Variants in TSC22D1 observed in about 807,000 individuals in gnomAD.
The protein encoded by TSC22D1 is TSC22 domain family member 1.
TSC22D1 carries 9 observed loss-of-function variants against 74.2 expected under a neutral mutation model. The ratio of observed to expected loss-of-function variants is 0.12; its 90% CI spans 0.07 to 0.21. The LOEUF (loss-of-function observed/expected upper bound fraction) is 0.21. Ranked by LOEUF, TSC22D1 falls within the 10% of genes least tolerant of loss-of-function variation. The probability of loss-of-function intolerance (pLI) is 1.00; values close to 1 mark genes in which losing one functional copy is unlikely to be tolerated. For missense variants in TSC22D1, 1,427 were observed against 1,304.7 expected (o/e 1.09, Z -1.44); for synonymous variants, 586 against 492.5 (o/e 1.19, Z -2.51).
intron 1 of TSC22D1, chr13:44,436,932 G>GC: frequency 9.6e-7 from 1 of 1,041,944 alleles, no homozygotes; most frequent in Non-Finnish European, 1.2e-6. Flanking sequence ...CACTGGGACC[G>GC]CCCCCTACTC....
At chr13:44,457,129 T>G (rs902376853) in intron 1 of TSC22D1, among the ~76,000 whole-genome samples, 6 of 152,280 alleles carry the variant, frequency 3.9e-5, no homozygotes, top group African/African-American at 1.4e-4. Flanking sequence ...TTTGCTTATG[T>G]GTGATTTTGT....
chr13:44,456,826 A>G (rs1458918845), intron 1 of TSC22D1, among the ~76,000 whole-genome samples: 1 of 152,246 alleles, frequency 6.6e-6, no homozygotes, highest in Non-Finnish European at 1.5e-5. Flanking sequence ...CTCAGAAACT[A>G]GAACAAAATA....
chr13:44,441,600 T>G (rs1875211408), intron 1 of TSC22D1, among the ~76,000 whole-genome samples: 1 of 151,494 alleles, frequency 6.6e-6, no homozygotes, highest in Non-Finnish European at 1.5e-5. Context: ...ATAGTGTAAG[T>G]ATAAATATAT....
intron 1 of TSC22D1, among the ~76,000 whole-genome samples, chr13:44,529,842 C>T (rs1387746387): frequency 6.6e-6 from 1 of 151,968 alleles, no homozygotes; most frequent in Non-Finnish European, 1.5e-5. Context: ...AAATTAAACA[C>T]TTTGGTATAA....
chr13:44,490,311 G>A (rs73188774), intron 1 of TSC22D1, among the ~76,000 whole-genome samples: 4 of 150,668 alleles, frequency 2.7e-5, no homozygotes, highest in South Asian at 2.1e-4. Context: ...AGGAGGTATC[G>A]CTAGGGAGAA....
In TSC22D1 at chr13:44,551,186, C is replaced by T. The variant is rs1595158400; in HGVS notation, c.2912+21977G>A. Among the ~76,000 whole-genome samples the T allele has an allele frequency of 8.6e-5, 13 of 151,852 alleles. No individual in the cohort carries two copies. The South Asian group carries it at 2.7e-3, about 32-fold the overall frequency. On this transcript the variant is annotated intron_variant, in intron 1 of 2. Coordinates refer to ENST00000458659, the MANE Select transcript of TSC22D1 (RefSeq NM_183422.4). The stretch of plus-strand genomic sequence containing the variant: ...CTCAGGGAAACTGAGGTGGGAGAAT[C>T]GCTTGAGCCTGGGGGCAGAAGTGGC...
At chr13:44,548,102 T>C (rs1250017555) in intron 1 of TSC22D1, among the ~76,000 whole-genome samples, 2 of 152,254 alleles carry the variant, frequency 1.3e-5, no homozygotes, top group African/African-American at 4.8e-5. Context: ...TAAGATCACA[T>C]GTCTAGTAAA....
chr13:44,512,659 TTTTTG>T (rs980034288), intron 1 of TSC22D1, among the ~76,000 whole-genome samples: 2 of 103,116 alleles, frequency 1.9e-5, no homozygotes, highest in African/African-American at 6.4e-5. Flanking sequence ...AAAGCAATCT[TTTTTG>T]TTTTGTTTTT....
chr13:44,517,763 G>GTA (rs1240121290), intron 1 of TSC22D1, among the ~76,000 whole-genome samples: 104 of 120,104 alleles, frequency 8.7e-4, no homozygotes, highest in East Asian at 2.3e-3. Flanking sequence ...ATGTGTGTGT[G>GTA]TATATATATA....
chr13:44,540,772 A>G lies in TSC22D1; in HGVS notation c.2912+32391T>C, dbSNP rs199807374. On this transcript the variant is annotated intron_variant, in intron 1 of 2. Transcript: ENST00000458659. The stretch of plus-strand genomic sequence containing the variant: ...AATAAGAGAAGGAAGTTCAAAGCAC[A>G]TAGCATCTGATCAAGGAAAAGCTGA... Among the ~76,000 whole-genome samples the G allele has an allele frequency of 1.3e-4, 20 of 152,322 alleles. No individual in the cohort carries two copies. In the East Asian group the frequency reaches 3.9e-3, roughly 29 times the overall value.
At chr13:44,528,439 C>T (rs1026403965) in intron 1 of TSC22D1, among the ~76,000 whole-genome samples, 1 of 151,986 alleles carries the variant, frequency 6.6e-6, no homozygotes, top group Non-Finnish European at 1.5e-5. Context: ...AAATACACTT[C>T]TAAATATAAC....
At chr13:44,459,650 C>A (rs371915046) in intron 1 of TSC22D1, among the ~76,000 whole-genome samples, 2 of 152,226 alleles carry the variant, frequency 1.3e-5, no homozygotes, top group Admixed American at 1.3e-4. Context: ...GACCTAGGGG[C>A]TCCCCAACCC....
chr13:44,487,866 T>C (rs1158169087), intron 1 of TSC22D1, among the ~76,000 whole-genome samples: 1 of 152,048 alleles, frequency 6.6e-6, no homozygotes, highest in African/African-American at 2.4e-5. Context: ...AGACCAGCCC[T>C]GGCCAACGTG....
At chr13:44,522,704 C>T (rs1037346198) in intron 1 of TSC22D1, among the ~76,000 whole-genome samples, 1 of 152,070 alleles carries the variant, frequency 6.6e-6, no homozygotes, top group Non-Finnish European at 1.5e-5. Context: ...TATCACAGAC[C>T]TATACATACA....
chr13:44,443,356 T>C (rs753419915), intron 1 of TSC22D1, among the ~76,000 whole-genome samples: 1 of 151,458 alleles, frequency 6.6e-6, no homozygotes, highest in Non-Finnish European at 1.5e-5. Flanking sequence ...AGTGAAAACA[T>C]CTTTCAGAAA....
chr13:44,567,377 G>A lies in TSC22D1; in HGVS notation c.2912+5786C>T, dbSNP rs530011358. On this transcript the variant is annotated intron_variant, in intron 1 of 2. Transcript: ENST00000458659. ...AAGCCACGCTCAGAATTTCTAATTA[G>A]CATTTTAATTCCTTACTCTTACACA... 3.3e-5 allele frequency among the ~76,000 whole-genome samples: 5 copies of A among 152,208 alleles called. No individual in the cohort carries two copies. The East Asian group carries it at 9.7e-4, about 29-fold the overall frequency.
intron 1 of TSC22D1, chr13:44,436,821 T>C (rs1874696834): frequency 7.3e-7 from 1 of 1,363,622 alleles, no homozygotes; most frequent in Non-Finnish European, 9.4e-7. Flanking sequence ...GAAGAGGCGC[T>C]TCCCAGATCC....
rs572471322 is a variant in TSC22D1, at chr13:44,553,807, A to G, written c.2912+19356T>C. 7.9e-5 allele frequency among the ~76,000 whole-genome samples: 12 copies of G among 152,332 alleles called. No individual in the cohort carries two copies. In the South Asian group the frequency reaches 2.3e-3, roughly 29 times the overall value. On this transcript the variant is annotated intron_variant, in intron 1 of 2. Coordinates refer to ENST00000458659, the MANE Select transcript of TSC22D1 (RefSeq NM_183422.4). ...TGTCCTGGCAGCATGAGAGTCAGCGAAAGAATTAATCCCTGATCGCTCCAC... is the reference window on the plus strand; with the variant it reads ...TGTCCTGGCAGCATGAGAGTCAGCGGAAGAATTAATCCCTGATCGCTCCAC...
At chr13:44,493,236 C>A (rs1423380090) in intron 1 of TSC22D1, among the ~76,000 whole-genome samples, 2 of 152,180 alleles carry the variant, frequency 1.3e-5, no homozygotes, top group African/African-American at 4.8e-5. Context: ...GATTTAGTGA[C>A]AATCTTGACA....
Sources: allele counts gnomAD v4.1 joint callset (sites outside exome capture counted in the v4.1 genomes callset), GRCh38; gene constraint gnomAD v4.1.1; transcripts MANE v1.5; gene names NCBI Gene and HGNC (gene_info 2026-07-23, HGNC 2026-07-21).